Variants in THRA observed in about 807,000 individuals in gnomAD.
THRA encodes the protein thyroid hormone receptor alpha.
THRA carries 13 observed loss-of-function variants against 45.0 expected under a neutral mutation model. That is an observed-to-expected ratio of 0.29 (90% CI 0.19 to 0.46). THRA has a LOEUF of 0.46. THRA is among the 20% of genes least tolerant of loss of function. The pLI is 1.00. For missense variants in THRA, 278 were observed against 556.1 expected, an observed-to-expected ratio of 0.50 and a Z score of 5.03; for synonymous variants, 195 against 214.0, an observed-to-expected ratio of 0.91 and a Z score of 0.78.
downstream of THRA, chr17:40,093,580 C>G (rs1347302381): frequency 1.8e-5 from 16 of 875,578 alleles, no homozygotes; most frequent in Non-Finnish European, 2.7e-5. This position sits in a 1 kb window ranked among gnomAD's most constrained non-coding sequence, Gnocchi z 5.9. Context: ...GTGTAGTTCC[C>G]TCTGCCTGGG....
intron 4 of THRA, among the ~76,000 whole-genome samples, chr17:40,081,789 C>T (rs1031959192): frequency 1.3e-4 from 19 of 151,736 alleles, no homozygotes; most frequent in Admixed American, 1.2e-3. Context: ...CATGGTGAAA[C>T]CCCATCTCTA....
rs145404278 is a variant in THRA, at chr17:40,091,924, G to A, written c.*2468G>A. ...TCCTGGGGGCCATTGGTGCTAATGA[G>A]GGGGATGGCCTTGATGTGGGTGCTC... On this transcript the variant is annotated 3_prime_UTR_variant, in exon 9 of 9. Transcript: ENST00000450525. 34 of 152,526 alleles carry A rather than the reference G, an allele frequency of 2.2e-4. No homozygotes were observed. The highest frequency in any genetic ancestry group is 6.5e-4 in the African/African-American group (27 of 41,532). 9.4% of individuals were successfully genotyped at this position (152,526 alleles called of 1,614,324 possible).
chr17:40,078,303 T>C (rs566751326), intron 4 of THRA, among the ~76,000 whole-genome samples: 1 of 152,264 alleles, frequency 6.6e-6, no homozygotes, highest in African/African-American at 2.4e-5. Flanking sequence ...GCTAACACAG[T>C]GAGACACTGT....
chr17:40,088,217 C>T lies in THRA; in HGVS notation c.724-25C>T, dbSNP rs1205309821. Reference sequence around the variant, plus strand: ...GACGCGGGGAGGGGTATGCTGAGTGCTCCTGTGGCCCTGCCGCTCCACAGC... The same window carrying T: ...GACGCGGGGAGGGGTATGCTGAGTGTTCCTGTGGCCCTGCCGCTCCACAGC... On this transcript the variant is annotated intron_variant, in intron 7 of 8. Coordinates refer to ENST00000450525, the MANE Select transcript of THRA (RefSeq NM_199334.5). The T allele has an allele frequency of 5.1e-6, 8 of 1,563,120 alleles. 1 individual carries two copies. Among genetic ancestry groups the T allele is most frequent in the Non-Finnish European group, 6.9e-6 (8 of 1,151,830 alleles).
chr17:40,087,433 C>T (rs1343573123), intron 7 of THRA, among the ~76,000 whole-genome samples: 1 of 150,968 alleles, frequency 6.6e-6, no homozygotes, highest in African/African-American at 2.4e-5. Flanking sequence ...CACACACACA[C>T]CTAGCAGACA....
At chr17:40,064,120 G>A (rs947922057) in intron 1 of THRA, among the ~76,000 whole-genome samples, 25 of 152,138 alleles carry the variant, frequency 1.6e-4, no homozygotes, top group African/African-American at 6.0e-4. Flanking sequence ...AAGGACAGGA[G>A]CTACTGGACA....
chr17:40,069,992 G>T (rs922314903), intron 1 of THRA, among the ~76,000 whole-genome samples: 5 of 151,820 alleles, frequency 3.3e-5, no homozygotes, highest in African/African-American at 4.8e-5. Flanking sequence ...TCTCTGACCT[G>T]CAGGGGGGGT....
intron 4 of THRA, among the ~76,000 whole-genome samples, chr17:40,082,758 C>CTTTTTTT (rs920725279): frequency 1.5e-5 from 1 of 67,526 alleles, no homozygotes; most frequent in East Asian, 3.8e-4. Context: ...GAATCGCATG[C>CTTTTTTT]TTTTTTTTTT....
chr17:40,076,907 C>A lies in THRA; in HGVS notation c.90C>A (p.Asn30Lys), dbSNP rs552205515. 1.2e-6 allele frequency: 2 copies of A among 1,614,086 alleles called. No individual in the cohort carries two copies. The highest frequency in any genetic ancestry group is 2.2e-5 in the South Asian group (2 of 91,076). ...RSPDGKRKRK[N>K]GQCSLKTSMS... ...CAGATGGAAAGCGAAAAAGAAAGAA[C>A]GGCCAATGTTCCCTGAAAACCAGCA... The change falls in exon 3 of 9, where the codon AAC (asparagine) becomes AAA (lysine). Residue 30 changes from asparagine to lysine, a missense_variant. Transcript: ENST00000450525.
intron 4 of THRA, among the ~76,000 whole-genome samples, chr17:40,083,406 T>G (rs980289254): frequency 6.6e-6 from 1 of 151,690 alleles, no homozygotes; most frequent in Admixed American, 6.6e-5. Flanking sequence ...AGAGACAGGG[T>G]TTCTTCATGT....
chr17:40,090,090 T>C lies in THRA; in HGVS notation c.*634T>C, dbSNP rs1396497985. 2 of 962,148 alleles carry C rather than the reference T, an allele frequency of 2.1e-6. No individual in the cohort carries two copies. Among genetic ancestry groups the C allele is most frequent in the Non-Finnish European group, 1.2e-6 (1 of 808,560 alleles). The allele number at this position is 962,148 out of a possible 1,614,324, so 59.6% of individuals were successfully genotyped here. A position where few individuals can be genotyped will look rare whatever the true frequency, so the allele number is the denominator to read the frequency against. On this transcript the variant is annotated 3_prime_UTR_variant, in exon 9 of 9. Coordinates refer to ENST00000450525, the MANE Select transcript of THRA (RefSeq NM_199334.5). Reference sequence around the variant, plus strand: ...GATAGAGAGAGATGATATTAAGTTATTAACTGAGGCTGACCAGAGGGGAGG... The same window carrying C: ...GATAGAGAGAGATGATATTAAGTTACTAACTGAGGCTGACCAGAGGGGAGG...
At chr17:40,084,878 G>T in intron 6 of THRA, 63 bp downstream of exon 6, 1 of 1,577,586 alleles carries the variant, frequency 6.3e-7, no homozygotes. Context: ...GAGTGAGCTC[G>T]GAGTCTTGCC....
Position 40,074,243 on chromosome 17 carries a change from G to A in THRA, c.-246G>A, listed in dbSNP as rs1168627182. 3.7e-5 allele frequency: 20 copies of A among 546,850 alleles called. No homozygotes were observed. The highest frequency in any genetic ancestry group is 2.8e-4 in the South Asian group (14 of 50,500). The allele number at this position is 546,850 out of a possible 1,614,324, so 33.9% of individuals were successfully genotyped here. A position where few individuals can be genotyped will look rare whatever the true frequency, so the allele number is the denominator to read the frequency against. Reference sequence around the variant, plus strand: ...AAGCTACTCCCCCAGCACACAGCCCGGGACCCACAAACCCAGCTTGCCCCC... The same window carrying A: ...AAGCTACTCCCCCAGCACACAGCCCAGGACCCACAAACCCAGCTTGCCCCC... On this transcript the variant is annotated 5_prime_UTR_variant, in exon 2 of 9. Transcript: ENST00000450525.
chr17:40,076,812 A>G, intron 2 of THRA, 59 bp from the exon 3 acceptor site: 1 of 1,574,066 alleles, frequency 6.4e-7, no homozygotes, highest in South Asian at 1.1e-5. Context: ...AGCCTCTCGG[A>G]TGAGAAAGGG....
Position 40,089,499 on chromosome 17 carries a change from G to A in THRA, c.*43G>A, listed in dbSNP as rs778409334. On this transcript the variant is annotated 3_prime_UTR_variant, in exon 9 of 9. Transcript: ENST00000450525. This position sits in a 1 kb window ranked among gnomAD's most constrained non-coding sequence, Gnocchi z 6.1. Reference sequence around the variant, plus strand: ...GGGTGTGCGGAGCTGGTGGGGAGGAGCCTGGAGAGAAGGGGCAGAGCTGGG... The same window carrying A: ...GGGTGTGCGGAGCTGGTGGGGAGGAACCTGGAGAGAAGGGGCAGAGCTGGG... 17 of 1,602,512 alleles carry A rather than the reference G, an allele frequency of 1.1e-5. No individual in the cohort carries two copies. In the Middle Eastern group the frequency reaches 1.0e-3, roughly 94 times the overall value.
chr17:40,083,148 C>G lies in THRA; in HGVS notation c.223-687C>G, dbSNP rs553078887. Among the ~76,000 whole-genome samples, 6 of 151,614 alleles carry G rather than the reference C, an allele frequency of 4.0e-5. No individual in the cohort carries two copies. In the South Asian group the frequency reaches 1.0e-3, roughly 26 times the overall value. ...TTCACCGTGTTAGCCAGGATGGTCTCGATCTCCTGACCTTGTGATCCGCCT... is the reference window on the plus strand; with the variant it reads ...TTCACCGTGTTAGCCAGGATGGTCTGGATCTCCTGACCTTGTGATCCGCCT... On this transcript the variant is annotated intron_variant, in intron 4 of 8. Transcript: ENST00000450525.
intron 2 of THRA, 128 bp from the exon 3 acceptor site, chr17:40,076,743 G>A: frequency 1.1e-6 from 1 of 909,028 alleles, no homozygotes; most frequent in Admixed American, 2.5e-5. Flanking sequence ...TGACCCTGGG[G>A]GGTGGGAGGT....
intron 4 of THRA, 115 bp from the exon 5 acceptor site, chr17:40,083,720 C>G (rs1987225623): frequency 1.5e-6 from 2 of 1,379,018 alleles, no homozygotes; most frequent in Non-Finnish European, 1.9e-6. Flanking sequence ...GCCAGGTCCC[C>G]TCACTGATCT....
At chr17:40,087,675 G>T (rs1454336612) in intron 7 of THRA, among the ~76,000 whole-genome samples, 2 of 152,186 alleles carry the variant, frequency 1.3e-5, no homozygotes, top group Admixed American at 6.5e-5. Context: ...ATGTGACCTG[G>T]GGTAAGTTAC....
Sources: allele counts gnomAD v4.1 joint callset (sites outside exome capture counted in the v4.1 genomes callset), GRCh38; gene constraint gnomAD v4.1.1; non-coding constraint Gnocchi (gnomAD v3.1); transcripts MANE v1.5; gene names NCBI Gene and HGNC (gene_info 2026-07-23, HGNC 2026-07-21).